Variants in TRAPPC9 observed in about 807,000 individuals in gnomAD.
The protein encoded by TRAPPC9 is trafficking protein particle complex subunit 9.
TRAPPC9 carries 83 observed loss-of-function variants against 124.0 expected under a neutral mutation model. The ratio of observed to expected loss-of-function variants is 0.67; its 90% CI spans 0.56 to 0.80. The LOEUF is 0.80. Among genes scored for constraint, TRAPPC9 ranks in the 30% least tolerant of loss-of-function variants. The probability of loss-of-function intolerance (pLI) is 0.00; values close to 1 mark genes in which losing one functional copy is unlikely to be tolerated. For synonymous variants in TRAPPC9, 638 were observed against 617.5 expected, an observed-to-expected ratio of 1.03 and a Z score of -0.49; for missense variants, 1,302 against 1,508.3, an observed-to-expected ratio of 0.86 and a Z score of 2.27.
chr8:140,065,262 T>C (rs770790946), intron 17 of TRAPPC9, among the ~76,000 whole-genome samples: 3 of 152,192 alleles, frequency 2.0e-5, no homozygotes, highest in Non-Finnish European at 4.4e-5. Context: ...AGAGGTTGGT[T>C]CATGAGGTTG....
At chr8:140,447,910 C>T (rs2071324595) in intron 2 of TRAPPC9, among the ~76,000 whole-genome samples, 1 of 152,004 alleles carries the variant, frequency 6.6e-6, no homozygotes, top group Admixed American at 6.6e-5. Context: ...TTTGGGAGGC[C>T]GAGGCAGGTG....
In TRAPPC9 at chr8:140,104,138, G is replaced by A. The variant is rs571979752; in HGVS notation, c.2557-80059C>T. 6.6e-6 allele frequency among the ~76,000 whole-genome samples: 1 copy of A among 152,322 alleles called. No homozygotes were observed. The highest frequency in any genetic ancestry group is 1.9e-4 in the East Asian group (1 of 5,188). On this transcript the variant is annotated intron_variant, in intron 17 of 22. Coordinates refer to ENST00000438773, the MANE Select transcript of TRAPPC9 (RefSeq NM_001160372.4). This position sits in a 1 kb window ranked among gnomAD's most constrained non-coding sequence, Gnocchi z 4.0. ...TATGCCAGGCTGGAGATGCAGGGAT[G>A]AAACTGTCTCCTGGGAGGGCAGATC...
At chr8:139,870,114 C>G (rs1032978825) in intron 21 of TRAPPC9, among the ~76,000 whole-genome samples, 1 of 152,102 alleles carries the variant, frequency 6.6e-6, no homozygotes, top group African/African-American at 2.4e-5. Context: ...GGTACACGGA[C>G]AGAAGAGAGT....
At chr8:140,208,982 G>C (rs374839946) in intron 17 of TRAPPC9, among the ~76,000 whole-genome samples, 43 of 152,282 alleles carry the variant, frequency 2.8e-4, no homozygotes, top group African/African-American at 9.6e-4. Context: ...GAAGATCCTG[G>C]AACCAATCCC....
At chr8:139,902,519 C>A (rs1376613169) in intron 20 of TRAPPC9, among the ~76,000 whole-genome samples, 1 of 152,190 alleles carries the variant, frequency 6.6e-6, no homozygotes, top group Non-Finnish European at 1.5e-5. Flanking sequence ...AAAATGCAAC[C>A]CTGCATTTTA....
rs1230473779 is a variant in TRAPPC9 at position 139,825,476 on chromosome 8, G to A, written c.3055+60403C>T. 6.6e-6 allele frequency among the ~76,000 whole-genome samples: 1 copy of A among 152,222 alleles called. No homozygotes were observed. The highest frequency in any genetic ancestry group is 6.5e-5 in the Admixed American group (1 of 15,290). The stretch of plus-strand genomic sequence containing the variant: ...GGATGGATGGGCACCAGGGCCAGGT[G>A]GGGGCTGCATGGGTCCCATGCCCAA... On this transcript the variant is annotated intron_variant, in intron 21 of 22. Transcript: ENST00000438773. The surrounding 1 kb of genome is among the most constrained non-coding windows in gnomAD (Gnocchi z 4.6).
chr8:140,320,114 A>G (rs116753396), intron 9 of TRAPPC9, among the ~76,000 whole-genome samples: 2,342 of 152,344 alleles, frequency 0.015, 67 homozygotes, highest in African/African-American at 0.054. Flanking sequence ...ATTTGATCAA[A>G]TATCTGAAGT....
chr8:140,234,337 A>G (rs530659732), intron 16 of TRAPPC9, among the ~76,000 whole-genome samples: 12 of 152,192 alleles, frequency 7.9e-5, no homozygotes, highest in Non-Finnish European at 1.3e-4. Flanking sequence ...CTTTAGATAT[A>G]CCATCCATGT....
At chr8:140,163,227 G>A (rs7827441) in intron 17 of TRAPPC9, among the ~76,000 whole-genome samples, 4,574 of 152,160 alleles carry the variant, frequency 0.03, 216 homozygotes, top group African/African-American at 0.1. Context: ...TCAACCCTCA[G>A]CTCCAGAAGC....
intron 21 of TRAPPC9, among the ~76,000 whole-genome samples, chr8:139,817,533 G>A (rs183279075): frequency 2.0e-4 from 30 of 152,274 alleles, no homozygotes; most frequent in African/African-American, 7.0e-4. Flanking sequence ...CAGCCGCAGC[G>A]TGCCCTCCTG....
At chr8:139,988,604 G>C (rs1409413705) in intron 19 of TRAPPC9, 122 bp downstream of exon 19, 2 of 716,640 alleles carry the variant, frequency 2.8e-6, no homozygotes, top group Non-Finnish European at 4.9e-6. Context: ...CGGTATCTCT[G>C]AAAGGGAGAC....
intron 19 of TRAPPC9, among the ~76,000 whole-genome samples, chr8:139,957,797 C>A (rs1297370860): frequency 6.6e-6 from 1 of 152,200 alleles, no homozygotes; most frequent in Admixed American, 6.5e-5. Context: ...CCCCTCGGGC[C>A]GAGCCATCAG....
chr8:140,161,176 C>A (rs999961567), intron 17 of TRAPPC9, among the ~76,000 whole-genome samples: 1 of 152,156 alleles, frequency 6.6e-6, no homozygotes, highest in African/African-American at 2.4e-5. Context: ...GAACACATCA[C>A]CTGCAGGCAT....
intron 7 of TRAPPC9, among the ~76,000 whole-genome samples, chr8:140,378,591 C>T (rs2068516377): frequency 6.6e-6 from 1 of 152,148 alleles, no homozygotes; most frequent in Non-Finnish European, 1.5e-5. Flanking sequence ...TGTATATATC[C>T]TATCAGTTCT....
At chr8:140,255,310 T>C (rs1465328999) in intron 15 of TRAPPC9, among the ~76,000 whole-genome samples, 2 of 152,196 alleles carry the variant, frequency 1.3e-5, no homozygotes, top group African/African-American at 4.8e-5. Context: ...AGTGAAATCA[T>C]GGAAGGAGGT....
chr8:139,756,524 A>G (rs1819803678), intron 21 of TRAPPC9, among the ~76,000 whole-genome samples: 1 of 144,282 alleles, frequency 6.9e-6, no homozygotes, highest in East Asian at 2.2e-4. Context: ...GGATGAGGAC[A>G]GCAGGTCGCA....
intron 21 of TRAPPC9, among the ~76,000 whole-genome samples, chr8:139,841,115 C>T (rs1459797501): frequency 6.6e-6 from 1 of 152,204 alleles, no homozygotes; most frequent in East Asian, 1.9e-4. Context: ...ACATCTACCC[C>T]TCGCTTGCCT....
chr8:140,340,349 C>T (rs1314656860), intron 9 of TRAPPC9, among the ~76,000 whole-genome samples: 2 of 152,200 alleles, frequency 1.3e-5, no homozygotes, highest in African/African-American at 2.4e-5. Flanking sequence ...CCACTGAAAG[C>T]CTAACATTTC....
intron 19 of TRAPPC9, among the ~76,000 whole-genome samples, chr8:139,951,177 T>G (rs1834622552): frequency 6.6e-6 from 1 of 152,202 alleles, no homozygotes; most frequent in African/African-American, 2.4e-5. Flanking sequence ...GAACAAAGCC[T>G]CTGCCAACGC....
Sources: allele counts gnomAD v4.1 joint callset (sites outside exome capture counted in the v4.1 genomes callset), GRCh38; gene constraint gnomAD v4.1.1; non-coding constraint Gnocchi (gnomAD v3.1); transcripts MANE v1.5; gene names NCBI Gene and HGNC (gene_info 2026-07-23, HGNC 2026-07-21).